The following IGF1R variants were observed in gnomAD, a reference collection of about 807,000 sequenced individuals.
IGF1R encodes insulin like growth factor 1 receptor, also known as insulin-like growth factor 1 receptor.
A neutral mutation model predicts 144.6 loss-of-function variants in IGF1R; 44 were observed. That is an observed-to-expected ratio of 0.30 (90% CI 0.24 to 0.39). The LOEUF (loss-of-function observed/expected upper bound fraction) is 0.39. Among genes scored for constraint, IGF1R ranks in the 10% least tolerant of loss-of-function variants. The probability of loss-of-function intolerance (pLI) is 1.00; values close to 1 mark genes in which losing one functional copy is unlikely to be tolerated. For missense variants in IGF1R, 1,355 were observed against 1,833.7 expected, an observed-to-expected ratio of 0.74 and a Z score of 4.77; for synonymous variants, 795 against 722.8, an observed-to-expected ratio of 1.10 and a Z score of -1.60.
chr15:98,807,891 C>G (rs1442829498), intron 2 of IGF1R, among the ~76,000 whole-genome samples: 1 of 152,228 alleles, frequency 6.6e-6, no homozygotes, highest in Non-Finnish European at 1.5e-5. Context: ...AATTTTCCTT[C>G]TGAAATCATT....
Position 98,964,010 on chromosome 15 carries a change from A to G in IGF1R, c.*6568A>G. On this transcript the variant is annotated 3_prime_UTR_variant, in exon 21 of 21. Coordinates refer to ENST00000650285, the MANE Select transcript of IGF1R (RefSeq NM_000875.5). ...TTCATTTGGATGTTTGGCGTTGCAC[A>G]CACACATCCACCGGTGGAAGAGACG... 1 of 233,188 alleles carries G rather than the reference A, an allele frequency of 4.3e-6. No homozygotes were observed. The allele number at this position is 233,188 out of a possible 1,614,324, so 14.4% of individuals were successfully genotyped here. A position where few individuals can be genotyped will look rare whatever the true frequency, so the allele number is the denominator to read the frequency against.
intron 2 of IGF1R, among the ~76,000 whole-genome samples, chr15:98,820,019 C>G (rs1169365515): frequency 6.6e-6 from 1 of 152,060 alleles, no homozygotes; most frequent in Admixed American, 6.6e-5. Context: ...CTCATAGACC[C>G]CCTGAAAAAG....
At chr15:98,746,338 T>G (rs2141324339) in intron 2 of IGF1R, among the ~76,000 whole-genome samples, 1 of 152,342 alleles carries the variant, frequency 6.6e-6, no homozygotes, top group Admixed American at 6.5e-5. Context: ...GTATCAAAAC[T>G]TAGTGCTATC....
chr15:98,947,611 C>A (rs1215606267), intron 19 of IGF1R, among the ~76,000 whole-genome samples: 2 of 152,196 alleles, frequency 1.3e-5, no homozygotes, highest in Admixed American at 6.5e-5. Context: ...TTTGCAGATT[C>A]CAGCATTGTC....
chr15:98,706,599 A>C (rs1567086210), intron 1 of IGF1R, among the ~76,000 whole-genome samples: 1 of 151,978 alleles, frequency 6.6e-6, no homozygotes, highest in Non-Finnish European at 1.5e-5. Flanking sequence ...TAAAAAAAAA[A>C]AACAACCCTC....
At position 98,891,923 on chromosome 15, in the gene IGF1R, T is replaced by TA. The variant is rs2151645403; in HGVS notation, c.953+287dup. ...TGCTGGTTTCGATACCCAGAGTTCA[T>TA]AGTCTCTCTGGGTACTTGCCAAGCT... On this transcript the variant is annotated intron_variant, in intron 3 of 20. Transcript: ENST00000650285. This position sits in a 1 kb window ranked among gnomAD's most constrained non-coding sequence, Gnocchi z 4.7. 6.6e-6 allele frequency among the ~76,000 whole-genome samples: 1 copy of TA among 152,332 alleles called. No individual in the cohort carries two copies. Among genetic ancestry groups the TA allele is most frequent in the East Asian group, 1.9e-4 (1 of 5,188 alleles).
At chr15:98,855,702 T>A in intron 2 of IGF1R, among the ~76,000 whole-genome samples, 1 of 152,180 alleles carries the variant, frequency 6.6e-6, no homozygotes, top group East Asian at 1.9e-4. Context: ...TGAAAATGAA[T>A]GCTTATAGGT....
At chr15:98,671,006 T>C (rs1237332722) in intron 1 of IGF1R, among the ~76,000 whole-genome samples, 1 of 152,206 alleles carries the variant, frequency 6.6e-6, no homozygotes, top group Non-Finnish European at 1.5e-5. Context: ...TTTGGAAGGA[T>C]AAAGGTGCCC....
Position 98,922,135 on chromosome 15 carries a change from C to A in IGF1R, c.2202-13C>A, listed in dbSNP as rs145958156. 1.4e-4 allele frequency: 222 copies of A among 1,614,072 alleles called. No individual in the cohort carries two copies. The highest frequency in any genetic ancestry group is 9.9e-4 in the Middle Eastern group (6 of 6,060). ...AAAAGTACTTAAAAGCCACATTTCT[C>A]TCCTCCTTGCAGACCTGAAAGGAAG... is the stretch of plus-strand genomic sequence containing the variant. On this transcript the variant is annotated splice_polypyrimidine_tract_variant and intron_variant, in intron 10 of 20. Transcript: ENST00000650285.
intron 2 of IGF1R, among the ~76,000 whole-genome samples, chr15:98,881,200 C>T (rs1040532945): frequency 3.9e-5 from 6 of 152,194 alleles, no homozygotes; most frequent in Non-Finnish European, 8.8e-5. Context: ...TGATACACCT[C>T]TTAGTGTGGC....
chr15:98,924,163 C>T, intron 12 of IGF1R, 151 bp downstream of exon 12: 3 of 800,438 alleles, frequency 3.7e-6, no homozygotes, highest in Middle Eastern at 3.2e-4. Flanking sequence ...TTTCTACCCA[C>T]TCTGTACTCT....
chr15:98,732,267 G>A (rs1325919543), intron 2 of IGF1R, among the ~76,000 whole-genome samples: 1 of 152,226 alleles, frequency 6.6e-6, no homozygotes, highest in African/African-American at 2.4e-5. Context: ...GCAGGATGCA[G>A]AGGAGTTTGC....
chr15:98,939,474 G>A (rs970800748), intron 18 of IGF1R, 114 bp downstream of exon 18: 22 of 976,496 alleles, frequency 2.3e-5, no homozygotes, highest in Non-Finnish European at 3.1e-5. Context: ...TGAGTGCACG[G>A]ACTCCTTCTT....
intron 1 of IGF1R, among the ~76,000 whole-genome samples, chr15:98,685,050 C>T (rs2053291916): frequency 6.6e-6 from 1 of 151,112 alleles, no homozygotes; most frequent in African/African-American, 2.4e-5. Flanking sequence ...TCAAGGGATC[C>T]TCCTGCCTCA....
At chr15:98,810,961 A>G (rs1411373737) in intron 2 of IGF1R, among the ~76,000 whole-genome samples, 1 of 151,932 alleles carries the variant, frequency 6.6e-6, no homozygotes, top group African/African-American at 2.4e-5. Context: ...TCACAGTCAT[A>G]CTCATTTGCT....
intron 2 of IGF1R, among the ~76,000 whole-genome samples, chr15:98,764,580 G>A (rs748682672): frequency 6.6e-6 from 1 of 152,160 alleles, no homozygotes. Context: ...TAAGTACTGT[G>A]AAGCATTTTC....
intron 2 of IGF1R, among the ~76,000 whole-genome samples, chr15:98,773,558 G>A (rs1484442450): frequency 6.6e-6 from 1 of 152,182 alleles, no homozygotes; most frequent in Non-Finnish European, 1.5e-5. Flanking sequence ...TTTGCTCACA[G>A]CGCCCAGATT....
At chr15:98,797,944 G>A (rs1286164668) in intron 2 of IGF1R, among the ~76,000 whole-genome samples, 2 of 152,246 alleles carry the variant, frequency 1.3e-5, no homozygotes, top group African/African-American at 4.8e-5. Context: ...CTGAAGAGGG[G>A]ACATTTGCCC....
At chr15:98,944,469 TAACACAGGC>T (rs1466662041) in intron 19 of IGF1R, among the ~76,000 whole-genome samples, 5 of 152,248 alleles carry the variant, frequency 3.3e-5, no homozygotes, top group Admixed American at 2.0e-4. Flanking sequence ...GTTTGCTTTT[TAACACAGGC>T]TTTGAGGATA....
Sources: gnomAD v4.1 joint callset for allele counts (sites outside exome capture counted in the v4.1 genomes callset) on GRCh38, gnomAD v4.1.1 for gene constraint, Gnocchi (gnomAD v3.1) non-coding constraint, MANE v1.5 for transcripts, NCBI Gene and HGNC (gene_info 2026-07-23, HGNC 2026-07-21) for gene names.